The following MOCS1 variants were observed in gnomAD, a reference collection of about 807,000 sequenced individuals.
MOCS1 encodes molybdenum cofactor biosynthesis protein 1.
In MOCS1, 39 loss-of-function variants were observed where a neutral mutation model predicts 57.6. The observed-to-expected ratio is 0.68, with a 90% CI of 0.52 to 0.88. MOCS1 has a LOEUF of 0.88. MOCS1 is among the 40% of genes least tolerant of loss of function. The pLI, the probability that MOCS1 is intolerant of heterozygous loss-of-function variation, is 0.00. For synonymous variants in MOCS1, 334 were observed against 335.7 expected (o/e 1.00, Z 0.05); for missense variants, 795 against 831.1 (o/e 0.96, Z 0.53).
At chr6:39,923,816 C>T (rs1582829846) in intron 3 of MOCS1, among the ~76,000 whole-genome samples, 1 of 152,228 alleles carries the variant, frequency 6.6e-6, no homozygotes, top group African/African-American at 2.4e-5. Flanking sequence ...GGGACTCTCA[C>T]AGCACCTAGG....
At chr6:39,912,504 C>A in intron 7 of MOCS1, 130 bp from the exon 8 acceptor site, 1 of 729,464 alleles carries the variant, frequency 1.4e-6, no homozygotes, top group South Asian at 1.5e-5. Flanking sequence ...AAGCTCCACC[C>A]AAGGCCCTCA....
chr6:39,905,941 C>G lies in MOCS1; in HGVS notation c.*416G>C, dbSNP rs1369276972. The stretch of plus-strand genomic sequence containing the variant: ...TGCTTTGCTCTCCTCAAAGTGGGCT[C>G]CTCTGCTTAATGAGCGCTTAATCTC... On this transcript the variant is annotated 3_prime_UTR_variant, in exon 11 of 11. Coordinates refer to ENST00000340692, the MANE Select transcript of MOCS1 (RefSeq NM_001358530.2). 2.2e-6 allele frequency: 1 copy of G among 461,652 alleles called. No homozygotes were observed. The highest frequency in any genetic ancestry group is 2.0e-5 in the African/African-American group (1 of 49,780). 28.6% of individuals were successfully genotyped at this position (461,652 alleles called of 1,614,324 possible).
Position 39,905,925 on chromosome 6 carries a change from C to T in MOCS1, c.*432G>A, listed in dbSNP as rs1351671707. The stretch of plus-strand genomic sequence containing the variant: ...TCTTCAGGCAAGCTTGTGCTTTGCT[C>T]TCCTCAAAGTGGGCTCCTCTGCTTA... On this transcript the variant is annotated 3_prime_UTR_variant, in exon 11 of 11. Coordinates refer to ENST00000340692, the MANE Select transcript of MOCS1 (RefSeq NM_001358530.2). 3 of 464,658 alleles carry T rather than the reference C, an allele frequency of 6.5e-6. No homozygotes were observed. Among genetic ancestry groups the T allele is most frequent in the South Asian group, 4.7e-5 (3 of 64,426 alleles). The allele number at this position is 464,658 out of a possible 1,614,324, so 28.8% of individuals were successfully genotyped here. A position where few individuals can be genotyped will look rare whatever the true frequency, so the allele number is the denominator to read the frequency against.
At chr6:39,907,483 C>G (rs1466952516) in intron 10 of MOCS1, among the ~76,000 whole-genome samples, 1 of 152,192 alleles carries the variant, frequency 6.6e-6, no homozygotes, top group Admixed American at 6.5e-5. Context: ...CCTTCATTTT[C>G]TTAAAACTAG....
intron 1 of MOCS1, among the ~76,000 whole-genome samples, chr6:39,932,025 C>T (rs1358041458): frequency 6.6e-6 from 1 of 152,182 alleles, no homozygotes; most frequent in Non-Finnish European, 1.5e-5. Context: ...GCTACTCGAC[C>T]TGTTCTTGGA....
At position 39,905,426 on chromosome 6, in the gene MOCS1, T is replaced by G. The variant is rs1562079150; in HGVS notation, c.*931A>C. 4.3e-6 allele frequency: 2 copies of G among 469,818 alleles called. No individual in the cohort carries two copies. Among genetic ancestry groups the G allele is most frequent in the Non-Finnish European group, 8.8e-6 (2 of 227,022 alleles). The allele number at this position is 469,818 out of a possible 1,614,324, so 29.1% of individuals were successfully genotyped here. A position where few individuals can be genotyped will look rare whatever the true frequency, so the allele number is the denominator to read the frequency against. On this transcript the variant is annotated 3_prime_UTR_variant, in exon 11 of 11. Coordinates refer to ENST00000340692, the MANE Select transcript of MOCS1 (RefSeq NM_001358530.2). ...CTTCTTCCCTCAGGGAACTGTGTCT[T>G]GGGATAGGATTGATTGATTGATTGA...
At position 39,904,848 on chromosome 6, in the gene MOCS1, A is replaced by AAAT; in HGVS notation, c.*1506_*1508dup. 1 of 454,128 alleles carries AAAT rather than the reference A, an allele frequency of 2.2e-6. No individual in the cohort carries two copies. Among genetic ancestry groups the AAAT allele is most frequent in the Non-Finnish European group, 4.4e-6 (1 of 226,806 alleles). The allele number at this position is 454,128 out of a possible 1,614,324, so 28.1% of individuals were successfully genotyped here. A position where few individuals can be genotyped will look rare whatever the true frequency, so the allele number is the denominator to read the frequency against. Reference sequence around the variant, plus strand: ...ATATATTGTAATACTAAAAAATATTAAATTCATACCATCCCTACCCAGTCT... The same window carrying AAAT: ...ATATATTGTAATACTAAAAAATATTAAATAATTCATACCATCCCTACCCAGTCT... On this transcript the variant is annotated 3_prime_UTR_variant, in exon 11 of 11. Coordinates refer to ENST00000340692, the MANE Select transcript of MOCS1 (RefSeq NM_001358530.2).
Position 39,934,379 on chromosome 6 carries a change from A to C in MOCS1, c.39T>G (p.Leu13=). ...TGCAGCTCCGGGCGCTGGACCTCAG[A>C]AGCCGCCGCAGCATCCGGGACAGTG... ...ARPLSRMLRR[L]LRSSARSCSS... The change falls in exon 1 of 11, where the codon CTT becomes CTG. Residue 13 remains leucine (L), a synonymous_variant. Coordinates refer to ENST00000340692, the MANE Select transcript of MOCS1 (RefSeq NM_001358530.2). The C allele has an allele frequency of 6.4e-7, 1 of 1,560,326 alleles. No individual in the cohort carries two copies. The highest frequency in any genetic ancestry group is 8.6e-7 in the Non-Finnish European group (1 of 1,157,702).
chr6:39,912,638 G>C (rs548366010), intron 7 of MOCS1, among the ~76,000 whole-genome samples: 1 of 152,172 alleles, frequency 6.6e-6, no homozygotes, highest in African/African-American at 2.4e-5. Flanking sequence ...GCGTGGAAGC[G>C]GGATGAGCAC....
intron 1 of MOCS1, among the ~76,000 whole-genome samples, chr6:39,927,896 ACT>A (rs1768427825): frequency 6.6e-6 from 1 of 151,560 alleles, no homozygotes; most frequent in African/African-American, 2.4e-5. Context: ...AGCCGGCTTC[ACT>A]CTTTCCCATG....
intron 3 of MOCS1, among the ~76,000 whole-genome samples, chr6:39,916,810 A>G (rs1767684120): frequency 6.6e-6 from 1 of 152,184 alleles, no homozygotes; most frequent in Non-Finnish European, 1.5e-5. Context: ...TTAGTACTGA[A>G]AGAGAGAAAG....
In MOCS1 at chr6:39,909,840, T is replaced by C. The variant is rs371595641; in HGVS notation, c.1097A>G (p.His366Arg). Residue 366 changes from histidine (H) to arginine (R), a missense_variant, in exon 9 of 11, where the codon CAT becomes CGT. This residue lies in a region of MOCS1 where 374 missense variants were observed against 422.6 expected (regional missense o/e 0.89). Transcript: ENST00000340692. ...CCTCCCCACCCTGCACTTACCTGCATGCTGCCGCTTCTTCCTGCCCACAGC... is the reference window on the plus strand; with the variant it reads ...CCTCCCCACCCTGCACTTACCTGCACGCTGCCGCTTCTTCCTGCCCACAGC... ...GAAVGRKKRQ[H>R]AGMFSISQMK... The C allele has an allele frequency of 2.8e-5, 45 of 1,613,130 alleles. No homozygotes were observed. Among genetic ancestry groups the C allele is most frequent in the Non-Finnish European group, 3.7e-5 (44 of 1,179,994 alleles).
At chr6:39,911,778 G>A (rs549607956) in intron 8 of MOCS1, among the ~76,000 whole-genome samples, 155 of 152,250 alleles carry the variant, frequency 1.0e-3, no homozygotes, top group South Asian at 1.7e-3. Flanking sequence ...AAGGACTCTC[G>A]TGCTGCCACA....
At chr6:39,912,238 G>A (rs754748603) in intron 8 of MOCS1, 26 bp downstream of exon 8, 1 of 1,530,278 alleles carries the variant, frequency 6.5e-7, no homozygotes, top group African/African-American at 1.4e-5. Flanking sequence ...GTGGCAAGGG[G>A]TCCCTGTGGA....
chr6:39,910,077 T>C (rs1372046493), intron 8 of MOCS1, 122 bp from the exon 9 acceptor site: 14 of 1,400,190 alleles, frequency 1.0e-5, no homozygotes, highest in Non-Finnish European at 1.3e-5. Context: ...AGGCCTCCCA[T>C]GGCAGGGCCC....
chr6:39,906,601 T>G lies in MOCS1; in HGVS notation c.1667A>C (p.His556Pro). 1 of 1,613,882 alleles carries G rather than the reference T, an allele frequency of 6.2e-7. No homozygotes were observed. The highest frequency in any genetic ancestry group is 8.5e-7 in the Non-Finnish European group (1 of 1,180,030). ...VTSQLIPLCH[H>P]VALSHIQVQL... ...CACCTGGATGTGGCTCAGGGCCACG[T>G]GGTGGCACAGAGGGATCAGCTGGCT... Residue 556 changes from histidine (H) to proline (P), a missense_variant, in exon 11 of 11, where the codon CAC becomes CCC. Transcript: ENST00000340692.
chr6:39,926,614 A>G (rs947663484), intron 2 of MOCS1, among the ~76,000 whole-genome samples: 61 of 148,092 alleles, frequency 4.1e-4, no homozygotes, highest in African/African-American at 1.4e-3. Context: ...TGTAAAGCAT[A>G]TAGTACATCT....
chr6:39,906,516 C>G lies in MOCS1; in HGVS notation c.1752G>C (p.Arg584=), dbSNP rs77225343. The part of the protein sequence containing the change: ...AVKIQASCRA[R]GPTGVEMEAL... ...CCTCCATCTCCACCCCGGTGGGGCC[C>G]CGAGCCCGGCAAGATGCCTGGATCT... Residue 584 remains arginine, a synonymous_variant, in exon 11 of 11, where the codon CGG becomes CGC. Coordinates refer to ENST00000340692, the MANE Select transcript of MOCS1 (RefSeq NM_001358530.2). The G allele has an allele frequency of 8.1e-6, 13 of 1,613,870 alleles. No homozygotes were observed. Among genetic ancestry groups the G allele is most frequent in the Middle Eastern group, 1.6e-4 (1 of 6,084 alleles).
In MOCS1 at chr6:39,904,933, G is replaced by C. The variant is rs151159237; in HGVS notation, c.*1424C>G. 1,902 of 454,094 alleles carry C rather than the reference G, an allele frequency of 4.2e-3. 21 individuals carry two copies. The highest frequency in any genetic ancestry group is 0.037 in the Middle Eastern group (53 of 1,444). 28.1% of individuals were successfully genotyped at this position (454,094 alleles called of 1,614,324 possible). A position where few individuals can be genotyped will look rare whatever the true frequency, so the allele number is the denominator to read the frequency against. On this transcript the variant is annotated 3_prime_UTR_variant, in exon 11 of 11. Coordinates refer to ENST00000340692, the MANE Select transcript of MOCS1 (RefSeq NM_001358530.2). Reference sequence around the variant, plus strand: ...TCTGGGGTGGGCTGAGAGTGTGCTGGAGCCAGCTTGTACCAGCTCTGTGAG... The same window carrying C: ...TCTGGGGTGGGCTGAGAGTGTGCTGCAGCCAGCTTGTACCAGCTCTGTGAG...
Sources: gnomAD v4.1 joint callset for allele counts (sites outside exome capture counted in the v4.1 genomes callset) on GRCh38, gnomAD v4.1.1 for gene constraint, gnomAD v4.1.1 regional missense constraint, MANE v1.5 for transcripts, NCBI Gene and HGNC (gene_info 2026-07-23, HGNC 2026-07-21) for gene names.